LRRTM4: variants seen among roughly 807,000 people sequenced by gnomAD.
The protein encoded by LRRTM4 is leucine rich repeat transmembrane neuronal 4.
A neutral mutation model predicts 47.6 loss-of-function variants in LRRTM4; 25 were observed. That is an observed-to-expected ratio of 0.53 (90% CI 0.38 to 0.73). The LOEUF is 0.73. LRRTM4 is among the 30% of genes least tolerant of loss of function. The probability of loss-of-function intolerance (pLI) is 0.00; values close to 1 mark genes in which losing one functional copy is unlikely to be tolerated. For synonymous variants in LRRTM4, 311 were observed against 269.5 expected (o/e 1.15, Z -1.51); for missense variants, 638 against 713.4 (o/e 0.89, Z 1.20).
intron 3 of LRRTM4, among the ~76,000 whole-genome samples, chr2:76,814,509 AAAAT>A (rs1253599043): frequency 3.9e-5 from 6 of 152,122 alleles, no homozygotes; most frequent in African/African-American, 1.4e-4. Context: ...AAATATTAAA[AAAAT>A]AAATTAATTA....
intron 3 of LRRTM4, among the ~76,000 whole-genome samples, chr2:76,916,393 A>AAAAAAAG (rs1674249030): frequency 6.8e-6 from 1 of 148,060 alleles, no homozygotes; most frequent in Non-Finnish European, 1.5e-5. Context: ...TCAAAAAAAA[A>AAAAAAAG]AAAAAAAAAA....
chr2:77,132,107 G>A (rs1428804423), intron 3 of LRRTM4, among the ~76,000 whole-genome samples: 1 of 151,994 alleles, frequency 6.6e-6, no homozygotes, highest in African/African-American at 2.4e-5. Context: ...CTATCTAACT[G>A]TACATTTGTA....
chr2:76,985,208 C>T (rs1449499653), intron 3 of LRRTM4, among the ~76,000 whole-genome samples: 1 of 151,878 alleles, frequency 6.6e-6, no homozygotes, highest in Admixed American at 6.6e-5. Context: ...ACATGCATTC[C>T]TAATTTAGAA....
chr2:76,911,067 A>G (rs1674036788), intron 3 of LRRTM4, among the ~76,000 whole-genome samples: 1 of 152,192 alleles, frequency 6.6e-6, no homozygotes. Flanking sequence ...ATAGTTACAC[A>G]TTTTTACTTA....
At chr2:77,089,146 G>A (rs1680835680) in intron 3 of LRRTM4, among the ~76,000 whole-genome samples, 1 of 151,872 alleles carries the variant, frequency 6.6e-6, no homozygotes, top group African/African-American at 2.4e-5. Context: ...CCGCTTTTCT[G>A]GGGAAGGGGC....
chr2:77,517,722 G>A (rs777955298), intron 3 of LRRTM4: 126 of 983,590 alleles, frequency 1.3e-4, no homozygotes, highest in Non-Finnish European at 1.5e-4. Context: ...AGAAGCCTTA[G>A]GAGCCTGATA....
chr2:77,024,560 TCA>T, intron 3 of LRRTM4, among the ~76,000 whole-genome samples: 1 of 149,016 alleles, frequency 6.7e-6, no homozygotes, highest in Non-Finnish European at 1.5e-5. Flanking sequence ...AAGGGAAAAA[TCA>T]CATTTTTTTT....
chr2:77,167,157 C>T (rs1369100996), intron 3 of LRRTM4, among the ~76,000 whole-genome samples: 1 of 152,146 alleles, frequency 6.6e-6, no homozygotes, highest in African/African-American at 2.4e-5. Context: ...TGAAGAGACA[C>T]TTCTCAAAAA....
intron 3 of LRRTM4, among the ~76,000 whole-genome samples, chr2:77,222,357 A>T (rs1199334670): frequency 3.3e-5 from 5 of 152,242 alleles, no homozygotes; most frequent in Non-Finnish European, 5.9e-5. Context: ...AACTAAGGTC[A>T]GAGCAGAACT....
chr2:77,190,049 A>T (rs776832753), intron 3 of LRRTM4, among the ~76,000 whole-genome samples: 6 of 152,114 alleles, frequency 3.9e-5, no homozygotes, highest in Non-Finnish European at 5.9e-5. Context: ...AGTGCTATTT[A>T]TGCCTAAAAT....
intron 3 of LRRTM4, among the ~76,000 whole-genome samples, chr2:77,183,051 A>T (rs1673393345): frequency 6.6e-6 from 1 of 152,226 alleles, no homozygotes; most frequent in Admixed American, 6.5e-5. Flanking sequence ...AAAACGCCAA[A>T]AGCAATGGCA....
At chr2:76,897,908 G>A (rs1673477877) in intron 3 of LRRTM4, among the ~76,000 whole-genome samples, 1 of 152,136 alleles carries the variant, frequency 6.6e-6, no homozygotes, top group Non-Finnish European at 1.5e-5. Flanking sequence ...TTCCATACTG[G>A]TAGAATTAAG....
At chr2:76,941,023 T>C (rs11900535) in intron 3 of LRRTM4, among the ~76,000 whole-genome samples, 7,709 of 152,268 alleles carry the variant, frequency 0.051, 603 homozygotes, top group African/African-American at 0.16. Flanking sequence ...TTGGTGATTA[T>C]TGTTGTTTTT....
intron 3 of LRRTM4, among the ~76,000 whole-genome samples, chr2:77,144,305 G>T (rs954782545): frequency 2.3e-4 from 35 of 151,972 alleles, no homozygotes; most frequent in Non-Finnish European, 3.8e-4. Context: ...AAAACTGCTT[G>T]CTAACCACAC....
At chr2:77,125,640 A>G (rs1671634860) in intron 3 of LRRTM4, among the ~76,000 whole-genome samples, 1 of 152,140 alleles carries the variant, frequency 6.6e-6, no homozygotes, top group African/African-American at 2.4e-5. Flanking sequence ...TTGTCTCCAC[A>G]ATTAAAACCA....
At chr2:77,291,377 C>T (rs924613603) in intron 3 of LRRTM4, among the ~76,000 whole-genome samples, 1 of 152,020 alleles carries the variant, frequency 6.6e-6, no homozygotes, top group Non-Finnish European at 1.5e-5. Context: ...TTAATTTAAA[C>T]TACTTATTTC....
intron 3 of LRRTM4, among the ~76,000 whole-genome samples, chr2:77,476,730 C>G (rs374934037): frequency 8.9e-4 from 135 of 151,718 alleles, no homozygotes; most frequent in African/African-American, 3.0e-3. Context: ...AGTAATGGAC[C>G]GAGTTTTACA....
intron 3 of LRRTM4, among the ~76,000 whole-genome samples, chr2:77,152,117 C>T (rs72807283): frequency 4.1e-4 from 62 of 152,212 alleles, no homozygotes; most frequent in Non-Finnish European, 7.6e-4. Context: ...CACCACCTAA[C>T]GCCTTCTGGT....
chr2:77,330,739 A>G (rs1308787902), intron 3 of LRRTM4, among the ~76,000 whole-genome samples: 1 of 152,136 alleles, frequency 6.6e-6, no homozygotes, highest in African/African-American at 2.4e-5. Context: ...TTTTATACTC[A>G]TCTTTTTTGT....
Sources: allele counts gnomAD v4.1 joint callset (sites outside exome capture counted in the v4.1 genomes callset), GRCh38; gene constraint gnomAD v4.1.1; transcripts MANE v1.5; gene names NCBI Gene and HGNC (gene_info 2026-07-23, HGNC 2026-07-21).